The following SAMSN1 variants were observed in gnomAD, a reference collection of about 807,000 sequenced individuals.
SAMSN1 encodes the protein SAM domain, SH3 domain and nuclear localization signals 1, also known as SAM domain-containing protein SAMSN-1.
A neutral mutation model predicts 42.0 loss-of-function variants in SAMSN1; 31 were observed. The ratio of observed to expected loss-of-function variants is 0.74; its 90% confidence interval spans 0.55 to 1.00. The LOEUF (loss-of-function observed/expected upper bound fraction) is 1.00, where lower values mean the gene tolerates loss of function less well. Ranked by LOEUF, SAMSN1 falls within the 50% of genes least tolerant of loss-of-function variation. SAMSN1 has a pLI of 0.00. For synonymous variants in SAMSN1, 178 were observed against 151.9 expected (o/e 1.17, Z -1.26); for missense variants, 464 against 439.4 (o/e 1.06, Z -0.50).
intron 7 of SAMSN1, among the ~76,000 whole-genome samples, chr21:14,497,997 C>T (rs891923435): frequency 1.5e-4 from 23 of 152,136 alleles, no homozygotes; most frequent in Non-Finnish European, 3.1e-4. Flanking sequence ...TAAACATGTA[C>T]AAGATGTGAC....
At chr21:14,579,895 G>C (rs1600942398) in intron 2 of SAMSN1, among the ~76,000 whole-genome samples, 1 of 152,178 alleles carries the variant, frequency 6.6e-6, no homozygotes, top group African/African-American at 2.4e-5. Flanking sequence ...CACAAGTGGA[G>C]TATGGTTAAG....
chr21:14,486,033 C>A lies in SAMSN1; in HGVS notation c.1001G>T (p.Cys334Phe). The change falls in exon 8 of 8, where the codon TGC becomes TTC. Residue 334 changes from cysteine (C) to phenylalanine (F), a missense_variant. Transcript: ENST00000400566. ...GATATAGCAACCAGAGTCCCTTGGG[C>A]AGTCATCTAACTGTGACTTATTTAA... ...ISLNKSQLDD[C>F]PRDSGCYISS... 6.2e-7 allele frequency: 1 copy of A among 1,613,374 alleles called. No homozygotes were observed. Among genetic ancestry groups the A allele is most frequent in the Non-Finnish European group, 8.5e-7 (1 of 1,179,438 alleles).
intron 7 of SAMSN1, among the ~76,000 whole-genome samples, chr21:14,497,322 C>T (rs145828972): frequency 0.012 from 1,756 of 152,186 alleles, 18 homozygotes; most frequent in Middle Eastern, 0.024. Context: ...CTGCTGGGTG[C>T]GGTGGCTCAC....
In SAMSN1 at chr21:14,516,876, A is replaced by T; in HGVS notation, c.279+16T>A. 6.3e-7 allele frequency: 1 copy of T among 1,588,290 alleles called. No individual in the cohort carries two copies. The highest frequency in any genetic ancestry group is 8.6e-7 in the Non-Finnish European group (1 of 1,166,400). ...TTTTAGTAGAAAAATACAAATGATTATCAGAGAATATTTACCTTTTCCTCA... is the reference window on the plus strand; with the variant it reads ...TTTTAGTAGAAAAATACAAATGATTTTCAGAGAATATTTACCTTTTCCTCA... On this transcript the variant is annotated intron_variant, in intron 3 of 7. Coordinates refer to ENST00000400566, the MANE Select transcript of SAMSN1 (RefSeq NM_022136.5).
chr21:14,592,596 C>G, intron 7 of SAMSN1: 1 of 356,650 alleles, frequency 2.8e-6, no homozygotes, highest in East Asian at 8.6e-5. Flanking sequence ...GGACATTTGA[C>G]TACATAAGTA....
intron 1 of SAMSN1, among the ~76,000 whole-genome samples, chr21:14,540,450 AAAAC>A (rs750488057): frequency 4.0e-4 from 61 of 152,364 alleles, no homozygotes; most frequent in Non-Finnish European, 7.3e-4. Flanking sequence ...ATACAAGAAA[AAAAC>A]AAACAACCCC....
At chr21:14,503,881 G>A (rs994815853) in intron 5 of SAMSN1, among the ~76,000 whole-genome samples, 19 of 152,224 alleles carry the variant, frequency 1.2e-4, no homozygotes, top group Middle Eastern at 3.4e-3. Flanking sequence ...TCTAAATACC[G>A]TGCTGGCATC....
At chr21:14,653,844 C>T (rs1983872367) in intron 1 of SAMSN1, among the ~76,000 whole-genome samples, 1 of 84,310 alleles carries the variant, frequency 1.2e-5, no homozygotes, top group Non-Finnish European at 3.1e-5. Context: ...AAATGATACA[C>T]ATTGCAACAC....
Position 14,504,748 on chromosome 21 carries a change from G to A in SAMSN1, c.562-4013C>T, listed in dbSNP as rs1470278174. 4.6e-5 allele frequency among the ~76,000 whole-genome samples: 7 copies of A among 151,966 alleles called. No individual in the cohort carries two copies. In the East Asian group the frequency reaches 9.7e-4, roughly 21 times the overall value. ...CTAGACATCCAAATACAAGAAACAC[G>A]AACCTAGGAAATTCATTGCAAAGAG... On this transcript the variant is annotated intron_variant, in intron 5 of 7. Transcript: ENST00000400566.
chr21:14,540,634 C>T (rs952307022), intron 1 of SAMSN1, among the ~76,000 whole-genome samples: 29 of 152,142 alleles, frequency 1.9e-4, no homozygotes, highest in Non-Finnish European at 3.4e-4. Flanking sequence ...CAGGAAACAA[C>T]AGGTGCTGGA....
intron 1 of SAMSN1, among the ~76,000 whole-genome samples, chr21:14,525,669 C>T (rs1000530850): frequency 6.6e-5 from 10 of 152,066 alleles, no homozygotes; most frequent in South Asian, 2.1e-4. Flanking sequence ...AGCAAATGTG[C>T]GGCTATGAGG....
intron 6 of SAMSN1, chr21:14,594,181 C>T (rs764897670): frequency 3.7e-5 from 22 of 596,166 alleles, no homozygotes; most frequent in African/African-American, 5.6e-5. Context: ...GGAAAGGATT[C>T]GCTGTCTTAA....
chr21:14,505,447 A>G (rs1289272978), intron 5 of SAMSN1, among the ~76,000 whole-genome samples: 1 of 152,236 alleles, frequency 6.6e-6, no homozygotes, highest in African/African-American at 2.4e-5. Context: ...AGGAATAGTT[A>G]CTGTTATATC....
Position 14,500,705 on chromosome 21 carries a change from T to C in SAMSN1, c.592A>G (p.Thr198Ala), listed in dbSNP as rs62227165. 32,506 of 1,613,822 alleles carry C rather than the reference T, an allele frequency of 0.02. 420 individuals carry two copies. The highest frequency in any genetic ancestry group is 0.025 in the Non-Finnish European group (29,126 of 1,179,714). The change falls in exon 6 of 8, where the codon ACA (threonine) becomes GCA (alanine). Residue 198 changes from threonine (T) to alanine (A), a missense_variant. Transcript: ENST00000400566. ...KGDIIDIICK[T>A]PMGMWTGMLN... ...ATTCCTGTCCACATCCCCATTGGTG[T>C]TTTGCAAATAATGTCTATGATGTCT...
chr21:14,615,369 G>A (rs182201523), intron 3 of SAMSN1, among the ~76,000 whole-genome samples: 4 of 152,148 alleles, frequency 2.6e-5, no homozygotes, highest in East Asian at 3.9e-4. Context: ...TTGAGAAAGA[G>A]GACACCCAGA....
At chr21:14,501,891 A>G (rs1356190686) in intron 5 of SAMSN1, among the ~76,000 whole-genome samples, 6 of 152,222 alleles carry the variant, frequency 3.9e-5, no homozygotes, top group Non-Finnish European at 7.3e-5. Flanking sequence ...GACCATAATT[A>G]ACTATAGGCT....
At chr21:14,589,607 G>T (rs1329835062) in intron 7 of SAMSN1, among the ~76,000 whole-genome samples, 1 of 152,008 alleles carries the variant, frequency 6.6e-6, no homozygotes, top group African/African-American at 2.4e-5. Flanking sequence ...GGCATTTAAA[G>T]CTTTTAAATC....
At chr21:14,590,478 T>A (rs1206200439) in intron 7 of SAMSN1, among the ~76,000 whole-genome samples, 3 of 152,120 alleles carry the variant, frequency 2.0e-5, no homozygotes, top group Non-Finnish European at 4.4e-5. Context: ...AGATGAAGTC[T>A]CACTATGTTG....
intron 7 of SAMSN1, among the ~76,000 whole-genome samples, chr21:14,490,231 A>G (rs1011619741): frequency 1.3e-5 from 2 of 152,210 alleles, no homozygotes; most frequent in African/African-American, 4.8e-5. Context: ...TAATTTTTTA[A>G]TAAACACAAT....
Sources: allele counts gnomAD v4.1 joint callset (sites outside exome capture counted in the v4.1 genomes callset), GRCh38; gene constraint gnomAD v4.1.1; transcripts MANE v1.5; gene names NCBI Gene and HGNC (gene_info 2026-07-23, HGNC 2026-07-21).